HACE1: variants seen among roughly 807,000 people sequenced by gnomAD.
HACE1 encodes the protein E3 ubiquitin-protein ligase HACE1.
In HACE1, 73 loss-of-function variants were observed where a neutral mutation model predicts 118.4. That is an observed-to-expected ratio of 0.62 (90% CI 0.51 to 0.75). The LOEUF (loss-of-function observed/expected upper bound fraction) is 0.75. Ranked by LOEUF, HACE1 falls within the 30% of genes least tolerant of loss-of-function variation. The pLI, the probability that HACE1 is intolerant of heterozygous loss-of-function variation, is 0.00. For missense variants in HACE1, 749 were observed against 1,102.2 expected, an observed-to-expected ratio of 0.68 and a Z score of 4.54; for synonymous variants, 368 against 374.8, an observed-to-expected ratio of 0.98 and a Z score of 0.21.
intron 22 of HACE1, among the ~76,000 whole-genome samples, chr6:104,738,118 G>C (rs1776147766): frequency 6.6e-6 from 1 of 151,578 alleles, no homozygotes; most frequent in African/African-American, 2.4e-5. Context: ...CTGTCTGTTA[G>C]AAGGAAAACT....
At chr6:104,790,145 C>G (rs1211023120) in intron 11 of HACE1, among the ~76,000 whole-genome samples, 1 of 151,970 alleles carries the variant, frequency 6.6e-6, no homozygotes, top group East Asian at 1.9e-4. Context: ...AACTGTCCTT[C>G]CTAGACTGAT....
At chr6:104,780,539 C>T in intron 14 of HACE1, 1 of 281,860 alleles carries the variant, frequency 3.5e-6, no homozygotes, top group Non-Finnish European at 7.0e-6. Context: ...AGGACAATCT[C>T]CAAGTTACAG....
chr6:104,784,941 C>T, intron 12 of HACE1, 44 bp downstream of exon 12: 1 of 1,177,626 alleles, frequency 8.5e-7, no homozygotes, highest in Non-Finnish European at 1.3e-6. Flanking sequence ...TGCTTTTCAT[C>T]ATCTATCAGA....
chr6:104,840,318 AAC>A (rs1263119220), intron 5 of HACE1, among the ~76,000 whole-genome samples: 1 of 152,206 alleles, frequency 6.6e-6, no homozygotes, highest in African/African-American at 2.4e-5. Context: ...AAAAAATAAT[AAC>A]ACACAAAAAT....
chr6:104,798,912 C>T (rs1454054143), intron 7 of HACE1, among the ~76,000 whole-genome samples: 1 of 152,116 alleles, frequency 6.6e-6, no homozygotes, highest in African/African-American at 2.4e-5. Context: ...CCAATTTTTT[C>T]CAATTAAATT....
At chr6:104,819,915 G>A (rs991192803) in intron 6 of HACE1, among the ~76,000 whole-genome samples, 1 of 152,064 alleles carries the variant, frequency 6.6e-6, no homozygotes, top group Non-Finnish European at 1.5e-5. Flanking sequence ...GTAAAACCCA[G>A]GCCAGGTGCA....
intron 20 of HACE1, among the ~76,000 whole-genome samples, chr6:104,745,304 CT>C (rs1442699317): frequency 6.6e-6 from 1 of 151,950 alleles, no homozygotes; most frequent in East Asian, 1.9e-4. Flanking sequence ...AAGTATTTAC[CT>C]TTTTGTTTTC....
At chr6:104,831,979 A>AGAAGAGAAGAGAAGAGAAGAGAGGAAGG (rs370929585) in intron 6 of HACE1, among the ~76,000 whole-genome samples, 1 of 38,618 alleles carries the variant, frequency 2.6e-5, no homozygotes, top group Non-Finnish European at 5.0e-5. Flanking sequence ...AGAAGAGAAG[A>AGAAGAGAAGAGAAGAGAAGAGAGGAAGG]GAGGAAGGAA....
At chr6:104,859,048 T>C (rs1299373387) in intron 1 of HACE1, among the ~76,000 whole-genome samples, 1 of 152,184 alleles carries the variant, frequency 6.6e-6, no homozygotes, top group Non-Finnish European at 1.5e-5. Flanking sequence ...CATACAGTAC[T>C]TTAAGAGTAC....
intron 19 of HACE1, among the ~76,000 whole-genome samples, chr6:104,766,272 A>T (rs1394725303): frequency 6.6e-6 from 1 of 152,170 alleles, no homozygotes; most frequent in Non-Finnish European, 1.5e-5. Context: ...TATATGCAGC[A>T]GAAGGGGGCT....
At chr6:104,746,564 GC>G (rs1179307189) in intron 20 of HACE1, among the ~76,000 whole-genome samples, 4 of 152,158 alleles carry the variant, frequency 2.6e-5, no homozygotes, top group Non-Finnish European at 5.9e-5. Flanking sequence ...CCATCAGGTG[GC>G]CCCTCCTTGG....
intron 7 of HACE1, 70 bp downstream of exon 7, chr6:104,811,241 T>TACA (rs1491089621): frequency 0.053 from 11,504 of 215,864 alleles, 767 homozygotes; most frequent in African/African-American, 0.21. Context: ...TATTTCTTTA[T>TACA]TTATACATAT....
intron 19 of HACE1, among the ~76,000 whole-genome samples, chr6:104,760,014 C>T (rs1191665896): frequency 4.6e-5 from 7 of 152,134 alleles, no homozygotes; most frequent in African/African-American, 1.7e-4. Flanking sequence ...AGTTGAATCT[C>T]TGAATATATC....
At chr6:104,780,420 AGCAATAC>A (rs957412987) in intron 14 of HACE1, 2 of 419,910 alleles carry the variant, frequency 4.8e-6, no homozygotes, top group African/African-American at 4.2e-5. Flanking sequence ...GCATTTGTAC[AGCAATAC>A]AAAATGTTTC....
chr6:104,827,135 C>A (rs1454432355), intron 6 of HACE1, among the ~76,000 whole-genome samples: 1 of 152,050 alleles, frequency 6.6e-6, no homozygotes, highest in African/African-American at 2.4e-5. Context: ...ACCACCTGTG[C>A]CCAATACACT....
chr6:104,774,722 A>G (rs1781047073), intron 17 of HACE1, among the ~76,000 whole-genome samples: 1 of 152,216 alleles, frequency 6.6e-6, no homozygotes, highest in South Asian at 2.1e-4. Flanking sequence ...AAAGGCGCAG[A>G]ATAGTTAAGT....
At chr6:104,770,280 A>G (rs896837609) in intron 19 of HACE1, among the ~76,000 whole-genome samples, 11 of 152,186 alleles carry the variant, frequency 7.2e-5, no homozygotes, top group African/African-American at 2.4e-4. Flanking sequence ...AATTCATATG[A>G]TATTTTCTAA....
intron 20 of HACE1, among the ~76,000 whole-genome samples, chr6:104,749,971 T>G (rs1196075740): frequency 1.3e-5 from 2 of 152,126 alleles, no homozygotes; most frequent in African/African-American, 4.8e-5. Context: ...TTTTAGAAGT[T>G]TAAGAAGTTA....
At position 104,859,723 on chromosome 6, in the gene HACE1, G is replaced by T; in HGVS notation, c.-81C>A. Reference sequence around the variant, plus strand: ...CGCCCAGAGCCCTACATCTCGCCTGGGCCCGTCCAGCAGGCGGAGACGCGG... The same window carrying T: ...CGCCCAGAGCCCTACATCTCGCCTGTGCCCGTCCAGCAGGCGGAGACGCGG... On this transcript the variant is annotated 5_prime_UTR_variant, in exon 1 of 24. Coordinates refer to ENST00000262903, the MANE Select transcript of HACE1 (RefSeq NM_020771.4). 7.9e-7 allele frequency: 1 copy of T among 1,271,370 alleles called. No individual in the cohort carries two copies. The highest frequency in any genetic ancestry group is 1.1e-6 in the Non-Finnish European group (1 of 921,002). 78.8% of individuals were successfully genotyped at this position (1,271,370 alleles called of 1,614,324 possible).
Sources: gnomAD v4.1 joint callset for allele counts (sites outside exome capture counted in the v4.1 genomes callset) on GRCh38, gnomAD v4.1.1 for gene constraint, MANE v1.5 for transcripts, NCBI Gene and HGNC (gene_info 2026-07-23, HGNC 2026-07-21) for gene names.